Variants in MBD5 observed in about 807,000 individuals in gnomAD.
The protein encoded by MBD5 is methyl-CpG-binding domain protein 5.
Under a neutral mutation model 117.3 loss-of-function variants are expected in MBD5, and 13 were observed. The observed-to-expected ratio is 0.11, with a 90% confidence interval of 0.07 to 0.18. MBD5 has a LOEUF of 0.18. MBD5 is among the 10% of genes least tolerant of loss of function. The pLI is 1.00. For missense variants in MBD5, 1,879 were observed against 2,093.8 expected, an observed-to-expected ratio of 0.90 and a Z score of 2.00; for synonymous variants, 727 against 766.4, an observed-to-expected ratio of 0.95 and a Z score of 0.85.
intron 4 of MBD5, among the ~76,000 whole-genome samples, chr2:148,377,493 A>G (rs1466852778): frequency 6.6e-6 from 1 of 152,226 alleles, no homozygotes; most frequent in Non-Finnish European, 1.5e-5. Context: ...GTTGAGAACC[A>G]GTAAGGGACT....
chr2:148,326,403 G>A (rs1702453111), intron 3 of MBD5, among the ~76,000 whole-genome samples: 1 of 152,130 alleles, frequency 6.6e-6, no homozygotes, highest in Non-Finnish European at 1.5e-5. Flanking sequence ...TTGACTTTCT[G>A]TCTCGTTGAT....
At chr2:148,062,874 A>G (rs1367338730) in intron 1 of MBD5, among the ~76,000 whole-genome samples, 8 of 151,990 alleles carry the variant, frequency 5.3e-5, no homozygotes, top group Non-Finnish European at 1.0e-4. Flanking sequence ...ATATAAATGC[A>G]GTCACTTATA....
chr2:148,067,816 G>T (rs769837280), intron 1 of MBD5, among the ~76,000 whole-genome samples: 2 of 152,218 alleles, frequency 1.3e-5, no homozygotes, highest in Non-Finnish European at 2.9e-5. Context: ...ATATTGCCCT[G>T]TGTGGGCAAA....
chr2:148,073,201 A>G (rs550718256), intron 1 of MBD5, among the ~76,000 whole-genome samples: 27 of 152,114 alleles, frequency 1.8e-4, no homozygotes, highest in Non-Finnish European at 3.7e-4. Flanking sequence ...TAAGACCCCT[A>G]CTGTGGTGAT....
chr2:148,288,699 A>G (rs1487790620), intron 3 of MBD5, among the ~76,000 whole-genome samples: 1 of 152,096 alleles, frequency 6.6e-6, no homozygotes, highest in Non-Finnish European at 1.5e-5. Context: ...GGATGTGTGT[A>G]GTGTAATCTA....
intron 4 of MBD5, among the ~76,000 whole-genome samples, chr2:148,400,481 T>G (rs1704885358): frequency 6.6e-6 from 1 of 152,218 alleles, no homozygotes; most frequent in Non-Finnish European, 1.5e-5. Flanking sequence ...TATAATGAGA[T>G]CCTAGCTCCC....
intron 1 of MBD5, among the ~76,000 whole-genome samples, chr2:148,091,638 A>G (rs1695946332): frequency 1.3e-5 from 2 of 152,216 alleles, no homozygotes; most frequent in African/African-American, 4.8e-5. Flanking sequence ...CTTATCTCTC[A>G]CCTTATACAA....
rs1016430159 is a variant in MBD5 at position 148,183,512 on chromosome 2, C to G, written c.-831+4719C>G. Among the ~76,000 whole-genome samples, 11 of 131,374 alleles carry G rather than the reference C, an allele frequency of 8.4e-5. No individual in the cohort carries two copies. In the South Asian group the frequency reaches 3.1e-3, roughly 37 times the overall value. 86.2% of individuals were successfully genotyped at this position (131,374 alleles called of 152,430 possible). On this transcript the variant is annotated intron_variant, in intron 2 of 13. Transcript: ENST00000642680. ...AATGTTTTCTGAATTTATTTTGAAT[C>G]TTTTATTACTAAAAAAAAAATTGGA...
intron 3 of MBD5, among the ~76,000 whole-genome samples, chr2:148,295,203 A>G (rs1393400277): frequency 6.6e-6 from 1 of 152,156 alleles, no homozygotes; most frequent in Non-Finnish European, 1.5e-5. Context: ...ATGGTGTCCC[A>G]CATTTCTCTG....
intron 11 of MBD5, among the ~76,000 whole-genome samples, chr2:148,490,987 G>A (rs568727972): frequency 1.3e-5 from 2 of 152,304 alleles, no homozygotes; most frequent in Non-Finnish European, 2.9e-5. Context: ...AGTGTGGCAG[G>A]GGTAAGGACC....
At chr2:148,373,876 T>G (rs1241938673) in intron 4 of MBD5, among the ~76,000 whole-genome samples, 1 of 152,152 alleles carries the variant, frequency 6.6e-6, no homozygotes, top group African/African-American at 2.4e-5. Flanking sequence ...CAGTGATGAA[T>G]ACAGGCTTAC....
In MBD5 at chr2:148,516,850, G is replaced by A. The variant is rs1340114956; in HGVS notation, c.*3909G>A. On this transcript the variant is annotated 3_prime_UTR_variant, in exon 14 of 14. Transcript: ENST00000642680. Reference sequence around the variant, plus strand: ...AATGGTTGATTTAATAATTTGTTATGTAAATACAAAGTTGTCTATAAATTG... The same window carrying A: ...AATGGTTGATTTAATAATTTGTTATATAAATACAAAGTTGTCTATAAATTG... 1 of 152,170 alleles carries A rather than the reference G, an allele frequency of 6.6e-6. No homozygotes were observed. Among genetic ancestry groups the A allele is most frequent in the East Asian group, 1.9e-4 (1 of 5,202 alleles). 9.4% of individuals were successfully genotyped at this position (152,170 alleles called of 1,614,324 possible). A position where few individuals can be genotyped will look rare whatever the true frequency, so the allele number is the denominator to read the frequency against.
intron 4 of MBD5, among the ~76,000 whole-genome samples, chr2:148,407,263 T>C (rs540741272): frequency 1.3e-5 from 2 of 152,262 alleles, no homozygotes; most frequent in South Asian, 4.1e-4. Context: ...TTTTTAGTTG[T>C]TTATGACAAA....
At chr2:148,489,362 C>A in intron 10 of MBD5, 24 bp from the exon 11 acceptor site, 1 of 1,613,964 alleles carries the variant, frequency 6.2e-7, no homozygotes, top group Non-Finnish European at 8.5e-7. Context: ...CTTTCTCTCA[C>A]TGCTTCCTGT....
At chr2:148,252,926 A>G (rs1700500807) in intron 3 of MBD5, among the ~76,000 whole-genome samples, 1 of 152,176 alleles carries the variant, frequency 6.6e-6, no homozygotes, top group Non-Finnish European at 1.5e-5. Flanking sequence ...CCACATCATC[A>G]TGGCATTGTG....
At chr2:148,370,134 CTT>C (rs1703811000) in intron 4 of MBD5, among the ~76,000 whole-genome samples, 1 of 152,042 alleles carries the variant, frequency 6.6e-6, no homozygotes, top group African/African-American at 2.4e-5. Context: ...TTAAAAAAGA[CTT>C]TGTGCAAGAA....
chr2:148,257,544 C>G (rs955906429), intron 3 of MBD5, among the ~76,000 whole-genome samples: 1 of 152,150 alleles, frequency 6.6e-6, no homozygotes, highest in Non-Finnish European at 1.5e-5. Flanking sequence ...GCCCTTGGAC[C>G]TTAGATTTGT....
intron 3 of MBD5, among the ~76,000 whole-genome samples, chr2:148,267,211 T>C (rs764871461): frequency 2.6e-5 from 4 of 152,032 alleles, no homozygotes; most frequent in East Asian, 3.9e-4. Context: ...AGTAGACAGA[T>C]AAAAAAAGAA....
intron 3 of MBD5, chr2:148,243,859 A>G (rs1214721490): frequency 6.6e-6 from 1 of 152,054 alleles, no homozygotes; most frequent in Admixed American, 6.6e-5. Context: ...ATAGATAAGT[A>G]TAGAGTGGAG....
Sources: allele counts gnomAD v4.1 joint callset (sites outside exome capture counted in the v4.1 genomes callset), GRCh38; gene constraint gnomAD v4.1.1; transcripts MANE v1.5; gene names NCBI Gene and HGNC (gene_info 2026-07-23, HGNC 2026-07-21).